The following SSTR3 variants were observed in gnomAD, a reference collection of about 807,000 sequenced individuals.
SSTR3 encodes the protein somatostatin receptor 3.
For synonymous variants in SSTR3, 281 were observed against 269.2 expected (o/e 1.04, Z -0.43); for missense variants, 504 against 604.7 (o/e 0.83, Z 1.75).
rs1257742126 is a variant in SSTR3, at chr22:37,204,302, C to T, written c.*2245G>A. 6.6e-6 allele frequency: 1 copy of T among 152,222 alleles called. No homozygotes were observed. The highest frequency in any genetic ancestry group is 1.5e-5 in the Non-Finnish European group (1 of 68,056). The allele number at this position is 152,222 out of a possible 1,614,324, so 9.4% of individuals were successfully genotyped here. A position where few individuals can be genotyped will look rare whatever the true frequency, so the allele number is the denominator to read the frequency against. ...AGCAGCAAAGGGTTTCCTAACTGGC[C>T]TCCCAGGGACCATTCTAGGACATTA... On this transcript the variant is annotated 3_prime_UTR_variant, in exon 2 of 2. Transcript: ENST00000610913.
Position 37,211,985 on chromosome 22 carries a change from GGC to G in SSTR3, c.-199_-198del, listed in dbSNP as rs745905895. On this transcript the variant is annotated 5_prime_UTR_variant, in exon 1 of 2. It removes the in-frame stop codon of an upstream open reading frame in the 5' UTR. Coordinates refer to ENST00000610913, the MANE Select transcript of SSTR3 (RefSeq NM_001051.5). ...GCTTGCGGGCTCAGGTTCCCTCCCA[GGC>G]CCTCGGCCACGGCTGTCCACAGAGC... is the stretch of plus-strand genomic sequence containing the variant. 84 of 985,718 alleles carry G rather than the reference GGC, an allele frequency of 8.5e-5. No individual in the cohort carries two copies. Among genetic ancestry groups the G allele is most frequent in the Admixed American group, 3.1e-4 (5 of 16,284 alleles). 61.1% of individuals were successfully genotyped at this position (985,718 alleles called of 1,614,324 possible).
upstream of SSTR3, among the ~76,000 whole-genome samples, chr22:37,216,667 C>T (rs146510509): frequency 1.3e-5 from 2 of 152,226 alleles, no homozygotes; most frequent in African/African-American, 2.4e-5. Flanking sequence ...GCTGACATCC[C>T]GAGATTCTCT....
chr22:37,217,369 T>C (rs1460046756), upstream of SSTR3, among the ~76,000 whole-genome samples: 1 of 152,230 alleles, frequency 6.6e-6, no homozygotes, highest in East Asian at 1.9e-4. Flanking sequence ...GCTTTATCCT[T>C]AAATTTCTGA....
Position 37,212,242 on chromosome 22 carries a change from AGAGAGAGG to A in SSTR3, c.-462_-455del. On this transcript the variant is annotated 5_prime_UTR_variant, in exon 1 of 2. It introduces an in-frame stop codon into an upstream open reading frame of the 5' UTR. Transcript: ENST00000610913. ...GAGAGAGAAAGAGGGAGGGGGAGAG[AGAGAGAGG>A]GAGAGGGAGAGGAGACCGTGAGTAG... 1.5e-6 allele frequency: 1 copy of A among 678,202 alleles called. No individual in the cohort carries two copies. The highest frequency in any genetic ancestry group is 1.8e-6 in the Non-Finnish European group (1 of 549,942). 42.0% of individuals were successfully genotyped at this position (678,202 alleles called of 1,614,324 possible).
upstream of SSTR3, among the ~76,000 whole-genome samples, chr22:37,212,641 GAGA>G (rs1442907032): frequency 6.6e-6 from 1 of 152,176 alleles, no homozygotes; most frequent in Non-Finnish European, 1.5e-5. Flanking sequence ...GGGAGTTGGA[GAGA>G]AGAATGTGCT....
In SSTR3 at chr22:37,206,871, G is replaced by C; in HGVS notation, c.933C>G (p.Ile311Met). The C allele has an allele frequency of 1.2e-6, 2 of 1,613,560 alleles. No homozygotes were observed. Among genetic ancestry groups the C allele is most frequent in the Non-Finnish European group, 1.7e-6 (2 of 1,180,014 alleles). ...AGCGGTAGGAGAGGAAGCCATAAAG[G>C]ATGGGGTTGGCACAGCTGTTGGCAT... ...LPYANSCANP[I>M]LYGFLSYRFK... The change falls in exon 2 of 2, where the codon ATC becomes ATG. Residue 311 changes from isoleucine (I) to methionine (M), a missense_variant. Ile to Met is a conservative substitution (Grantham distance 10). Coordinates refer to ENST00000610913, the MANE Select transcript of SSTR3 (RefSeq NM_001051.5).
rs971111379 is a variant in SSTR3, at chr22:37,207,314, T to G, written c.490A>C (p.Ser164Arg). ...GCTGAGGCCACCCACACAGCCGCGC[T>G]GACCGTGCGGGCCACCGGAGCTGTG... is the stretch of plus-strand genomic sequence containing the variant. The part of the protein sequence containing the change: ...WRTAPVARTV[S>R]AAVWVASAVV... The change falls in exon 2 of 2, where the codon AGC becomes CGC. Residue 164 changes from serine to arginine, a missense_variant. Ser to Arg is a moderately radical substitution (Grantham distance 110). Coordinates refer to ENST00000610913, the MANE Select transcript of SSTR3 (RefSeq NM_001051.5). 21 of 1,595,570 alleles carry G rather than the reference T, an allele frequency of 1.3e-5. No homozygotes were observed. The highest frequency in any genetic ancestry group is 1.8e-5 in the Non-Finnish European group (21 of 1,170,264).
upstream of SSTR3, among the ~76,000 whole-genome samples, chr22:37,216,077 T>A (rs972927341): frequency 2.0e-5 from 3 of 152,182 alleles, no homozygotes; most frequent in African/African-American, 4.8e-5. Context: ...TCTTTCAAAA[T>A]CTATTAATAT....
upstream of SSTR3, chr22:37,215,902 C>G (rs970463946): frequency 3.8e-6 from 1 of 260,004 alleles, no homozygotes; most frequent in African/African-American, 2.3e-5. Context: ...TGGCGAGAAA[C>G]GGAGTCAACC....
intron 1 of SSTR3, 84 bp from the exon 2 acceptor site, chr22:37,207,923 C>G: frequency 7.4e-7 from 1 of 1,360,362 alleles, no homozygotes; most frequent in South Asian, 2.0e-5. Flanking sequence ...ACCTGGGGAC[C>G]TGCTGCACGC....
chr22:37,218,557 G>A, the SSTR3 span, among the ~76,000 whole-genome samples: 1 of 152,108 alleles, frequency 6.6e-6, no homozygotes, highest in South Asian at 2.1e-4. Context: ...GGGGAAACAC[G>A]CCCCTCCCAT....
the SSTR3 span, among the ~76,000 whole-genome samples, chr22:37,219,953 C>T: frequency 6.6e-6 from 1 of 152,128 alleles, no homozygotes; most frequent in African/African-American, 2.4e-5. Flanking sequence ...CATTCTTTCA[C>T]CCACTTACTC....
In SSTR3 at chr22:37,206,813, G is replaced by T. The variant is rs772937539; in HGVS notation, c.991C>A (p.Pro331Thr). The change falls in exon 2 of 2, where the codon CCC (proline) becomes ACC (threonine). Residue 331 changes from proline (P) to threonine (T), a missense_variant. Physicochemically the swap from Pro to Thr is conservative, Grantham distance 38 (BLOSUM62 -1). Transcript: ENST00000610913. ...KQGFRRVLLR[P>T]SRRVRSQEPT... ...TCCTGGCTGCGCACACGGCGGGAGG[G>T]CCGCAGCAGGACCCTGCGGAAGCCC... 42 of 1,612,432 alleles carry T rather than the reference G, an allele frequency of 2.6e-5. No individual in the cohort carries two copies. Among genetic ancestry groups the T allele is most frequent in the Non-Finnish European group, 3.5e-5 (41 of 1,179,956 alleles).
At chr22:37,211,072 G>A (rs1926159152) in intron 1 of SSTR3, 2 of 757,032 alleles carry the variant, frequency 2.6e-6, no homozygotes, top group Non-Finnish European at 3.2e-6. Flanking sequence ...CTGGAGAGTG[G>A]GAAGCCAGAA....
At chr22:37,217,748 G>T in the SSTR3 span, among the ~76,000 whole-genome samples, 2 of 152,018 alleles carry the variant, frequency 1.3e-5, no homozygotes, top group Non-Finnish European at 2.9e-5. Flanking sequence ...CTGTCACCCA[G>T]GCTGGAGTGC....
intron 1 of SSTR3, among the ~76,000 whole-genome samples, chr22:37,210,198 A>G (rs765820095): frequency 1.3e-5 from 2 of 152,214 alleles, no homozygotes; most frequent in Non-Finnish European, 2.9e-5. Flanking sequence ...TCCTGAGAGA[A>G]GCAAGGAGCT....
intron 1 of SSTR3, 65 bp from the exon 2 acceptor site, chr22:37,207,904 T>C (rs1925950584): frequency 7.3e-7 from 1 of 1,375,166 alleles, no homozygotes; most frequent in Admixed American, 3.4e-5. Flanking sequence ...CCCCCTCCCA[T>C]CATGCCGAAC....
chr22:37,209,320 G>A (rs150943326), intron 1 of SSTR3, among the ~76,000 whole-genome samples: 2,555 of 152,324 alleles, frequency 0.017, 38 homozygotes, highest in Non-Finnish European at 0.024. Context: ...AGAGTGCCAG[G>A]CTGGGTGAAG....
chr22:37,207,889 T>C, intron 1 of SSTR3, 50 bp from the exon 2 acceptor site: 1 of 1,399,884 alleles, frequency 7.1e-7, no homozygotes, highest in Non-Finnish European at 9.2e-7. Flanking sequence ...GCTTTCTCTG[T>C]GCTGCCCCCT....
Sources: allele counts gnomAD v4.1 joint callset (sites outside exome capture counted in the v4.1 genomes callset), GRCh38; gene constraint gnomAD v4.1.1; transcripts MANE v1.5; gene names NCBI Gene and HGNC (gene_info 2026-07-23, HGNC 2026-07-21).